The following DGKH variants were observed in gnomAD, a reference collection of about 807,000 sequenced individuals.
The protein encoded by DGKH is diacylglycerol kinase eta.
DGKH carries 90 observed loss-of-function variants against 159.3 expected under a neutral mutation model. The ratio of observed to expected loss-of-function variants is 0.57; its 90% CI spans 0.48 to 0.67. The LOEUF (loss-of-function observed/expected upper bound fraction) is 0.67. DGKH is among the 30% of genes least tolerant of loss of function. The probability of loss-of-function intolerance (pLI) is 0.00; values close to 1 mark genes in which losing one functional copy is unlikely to be tolerated. For synonymous variants in DGKH, 536 were observed against 553.8 expected (o/e 0.97, Z 0.45); for missense variants, 1,181 against 1,506.1 (o/e 0.78, Z 3.57).
chr13:42,221,497 G>A, intron 29 of DGKH, 103 bp downstream of exon 29: 1 of 1,455,438 alleles, frequency 6.9e-7, no homozygotes, highest in Non-Finnish European at 9.3e-7. Context: ...CTTATGTCAT[G>A]CAAATGTGTA....
At chr13:42,124,730 C>T (rs542561962) in intron 1 of DGKH, among the ~76,000 whole-genome samples, 8 of 152,258 alleles carry the variant, frequency 5.3e-5, no homozygotes, top group Non-Finnish European at 1.0e-4. Flanking sequence ...TGGTTGTTTA[C>T]ACTATAAAAA....
chr13:42,246,775 G>A (rs577728462), downstream of DGKH, among the ~76,000 whole-genome samples: 53 of 152,176 alleles, frequency 3.5e-4, no homozygotes, highest in African/African-American at 1.2e-3. Context: ...ATCACCCCCC[G>A]CAACTGAGAG....
At chr13:42,064,561 C>T (rs1882422156) in intron 1 of DGKH, among the ~76,000 whole-genome samples, 1 of 151,880 alleles carries the variant, frequency 6.6e-6, no homozygotes, top group Admixed American at 6.6e-5. Context: ...CGAGTCAGGT[C>T]CTAGGGAGTA....
chr13:42,115,312 A>G lies in DGKH; in HGVS notation c.193-12151A>G, dbSNP rs1954944206. Reference sequence around the variant, plus strand: ...TTCTTCAACAAATTAGTTAACATGTATTAATTATTTTCTTCATATCAAATA... The same window carrying G: ...TTCTTCAACAAATTAGTTAACATGTGTTAATTATTTTCTTCATATCAAATA... On this transcript the variant is annotated intron_variant, in intron 1 of 29. Coordinates refer to ENST00000337343, the MANE Select transcript of DGKH (RefSeq NM_178009.5). Among the ~76,000 whole-genome samples the G allele has an allele frequency of 2.0e-5, 3 of 152,242 alleles. No homozygotes were observed. The South Asian group carries it at 6.2e-4, about 32-fold the overall frequency.
chr13:42,040,560 G>GA (rs1880424585), intron 1 of DGKH, among the ~76,000 whole-genome samples: 1 of 151,758 alleles, frequency 6.6e-6, no homozygotes, highest in Non-Finnish European at 1.5e-5. Flanking sequence ...GGCGGAGGAA[G>GA]GAGCGAGGGG....
At chr13:42,121,066 T>TACACACACACACACACAC (rs377628213) in intron 1 of DGKH, among the ~76,000 whole-genome samples, 4,778 of 144,738 alleles carry the variant, frequency 0.033, 89 homozygotes, top group East Asian at 0.063. Flanking sequence ...ATATATATTA[T>TACACACACACACACACAC]ACACACACAC....
intron 1 of DGKH, among the ~76,000 whole-genome samples, chr13:42,106,815 G>A (rs566767815): frequency 3.3e-5 from 5 of 152,186 alleles, no homozygotes; most frequent in Non-Finnish European, 5.9e-5. Flanking sequence ...AGGCCGAGGC[G>A]GGTGGATCAC....
intron 23 of DGKH, among the ~76,000 whole-genome samples, chr13:42,210,047 T>G (rs1957609175): frequency 6.6e-6 from 1 of 151,788 alleles, no homozygotes; most frequent in African/African-American, 2.4e-5. Flanking sequence ...GCAGAATATG[T>G]TTTTAATTAA....
intron 1 of DGKH, among the ~76,000 whole-genome samples, chr13:42,040,468 G>C (rs1566069579): frequency 6.6e-6 from 1 of 151,766 alleles, no homozygotes; most frequent in Non-Finnish European, 1.5e-5. Context: ...GGGGGGTCAC[G>C]TGTGTCCCGG....
intron 1 of DGKH, among the ~76,000 whole-genome samples, chr13:42,063,692 C>T (rs953024493): frequency 2.0e-5 from 3 of 152,096 alleles, no homozygotes; most frequent in Middle Eastern, 3.2e-3. Flanking sequence ...GTCATCCCAG[C>T]GCTTTGGGAA....
chr13:42,112,795 C>T (rs1954887399), intron 1 of DGKH, among the ~76,000 whole-genome samples: 1 of 152,202 alleles, frequency 6.6e-6, no homozygotes, highest in Admixed American at 6.5e-5. Flanking sequence ...TGTAGTTCTT[C>T]CACCAGCATT....
At chr13:42,204,521 C>A (rs183053095) in intron 20 of DGKH, among the ~76,000 whole-genome samples, 3 of 152,220 alleles carry the variant, frequency 2.0e-5, no homozygotes, top group Non-Finnish European at 2.9e-5. Context: ...ACCCTGAGGT[C>A]TTCCCAAGAA....
chr13:42,047,914 T>A (rs1253264322), upstream of DGKH, among the ~76,000 whole-genome samples: 1 of 152,188 alleles, frequency 6.6e-6, no homozygotes, highest in African/African-American at 2.4e-5. Flanking sequence ...CTCCACGCCC[T>A]TCCCAGTTTC....
In DGKH at chr13:42,127,516, G is replaced by T. The variant is rs1237835183; in HGVS notation, c.246G>T (p.Trp82Cys). 3.1e-6 allele frequency: 5 copies of T among 1,613,766 alleles called. No homozygotes were observed. Among genetic ancestry groups the T allele is most frequent in the Non-Finnish European group, 4.2e-6 (5 of 1,179,796 alleles). Residue 82 changes from tryptophan to cysteine, a missense_variant, in exon 2 of 30, where the codon TGG becomes TGT. By Grantham distance (215) the Trp-to-Cys change is radical. This residue lies in a region of DGKH where 136 missense variants were observed against 132.2 expected (regional missense o/e 1.03). Transcript: ENST00000337343. Reference protein sequence around the residue: ...LLKQTSSFQRWKKRYFKLRGR... With the variant: ...LLKQTSSFQRCKKRYFKLRGR... ...AGCAAACCAGTTCTTTCCAAAGGTG[G>T]AAAAAGCGATACTTCAAACTTCGAG...
intron 30 of DGKH, among the ~76,000 whole-genome samples, chr13:42,255,300 GA>G (rs2138342395): frequency 6.6e-6 from 1 of 151,826 alleles, no homozygotes; most frequent in South Asian, 2.1e-4. Flanking sequence ...AATTGAATAA[GA>G]ATTTTTTTAA....
intron 3 of DGKH, among the ~76,000 whole-genome samples, chr13:42,130,692 A>G (rs188862215): frequency 2.8e-4 from 42 of 152,210 alleles, no homozygotes; most frequent in Admixed American, 2.6e-3. Context: ...CAGCGGTGCC[A>G]TGATAGAGGT....
At chr13:42,190,783 T>A (rs550836577) in intron 16 of DGKH, among the ~76,000 whole-genome samples, 2 of 152,304 alleles carry the variant, frequency 1.3e-5, no homozygotes, top group African/African-American at 2.4e-5. Context: ...ATTATAGGAC[T>A]AAGGATGATT....
chr13:42,206,975 TTTTCTTTCTTTCTTTCTTTCTTTCTTTC>T (rs748683859), intron 21 of DGKH, among the ~76,000 whole-genome samples: 1 of 82,310 alleles, frequency 1.2e-5, no homozygotes, highest in African/African-American at 5.0e-5. Context: ...TACTTTTACT[TTTTCTTTCTTTCTTTCTTTCTTTCTTTC>T]TTTCTTTCTT....
chr13:42,241,474 T>G lies in DGKH; in HGVS notation c.*12286T>G, dbSNP rs1227723062. The G allele has an allele frequency of 6.6e-6, 1 of 152,256 alleles. No homozygotes were observed. Among genetic ancestry groups the G allele is most frequent in the Non-Finnish European group, 1.5e-5 (1 of 68,034 alleles). The allele number at this position is 152,256 out of a possible 1,614,324, so 9.4% of individuals were successfully genotyped here. ...CAGCCACCAATAATTTTGACTGTTT[T>G]GTCAAGTACATATTTCATCAATCCT... On this transcript the variant is annotated 3_prime_UTR_variant, in exon 30 of 30. Coordinates refer to ENST00000337343, the MANE Select transcript of DGKH (RefSeq NM_178009.5).
Sources: allele counts gnomAD v4.1 joint callset (sites outside exome capture counted in the v4.1 genomes callset), GRCh38; gene constraint gnomAD v4.1.1; regional missense constraint gnomAD v4.1.1; transcripts MANE v1.5; gene names NCBI Gene and HGNC (gene_info 2026-07-23, HGNC 2026-07-21).